ZMYND8: variants seen among roughly 807,000 people sequenced by gnomAD.
ZMYND8 encodes MYND-type zinc finger-containing chromatin reader ZMYND8.
ZMYND8 carries 37 observed loss-of-function variants against 140.8 expected under a neutral mutation model. The ratio of observed to expected loss-of-function variants is 0.26; its 90% CI spans 0.20 to 0.35. The LOEUF is 0.35. ZMYND8 is among the 10% of genes least tolerant of loss of function. ZMYND8 has a pLI of 1.00. For synonymous variants in ZMYND8, 592 were observed against 597.1 expected (o/e 0.99, Z 0.12); for missense variants, 1,068 against 1,570.0 (o/e 0.68, Z 5.40).
intron 3 of ZMYND8, among the ~76,000 whole-genome samples, chr20:47,305,712 T>G (rs2078430142): frequency 6.6e-6 from 1 of 152,188 alleles, no homozygotes; most frequent in South Asian, 2.1e-4. Context: ...ATCATTTCTT[T>G]GCTATATTTG....
chr20:47,300,935 T>TGTGTGTGTG (rs2077993177), intron 3 of ZMYND8, among the ~76,000 whole-genome samples: 1 of 141,148 alleles, frequency 7.1e-6, no homozygotes, highest in African/African-American at 2.6e-5. Flanking sequence ...TGTGTGTGTG[T>TGTGTGTGTG]TTTGTTTTGT....
At chr20:47,236,590 A>C in intron 15 of ZMYND8, 74 bp from the exon 16 acceptor site, 1 of 1,407,034 alleles carries the variant, frequency 7.1e-7, no homozygotes, top group East Asian at 2.6e-5. Context: ...GTGTAGAAGC[A>C]AAGCCCCTAA....
At chr20:47,318,768 G>C (rs908217848) in intron 2 of ZMYND8, 2 of 485,138 alleles carry the variant, frequency 4.1e-6, no homozygotes, top group African/African-American at 2.0e-5. Flanking sequence ...TGCTTATAAA[G>C]AATCTCTGCA....
intron 17 of ZMYND8, 48 bp downstream of exon 17, chr20:47,229,678 C>A (rs368217103): frequency 5.2e-5 from 82 of 1,576,468 alleles, no homozygotes; most frequent in Non-Finnish European, 6.5e-5. Context: ...TTTAAAGCAG[C>A]CCACAAAACA....
chr20:47,295,504 G>A (rs531123388), intron 4 of ZMYND8, among the ~76,000 whole-genome samples: 10 of 152,234 alleles, frequency 6.6e-5, no homozygotes, highest in Middle Eastern at 3.4e-3. Flanking sequence ...TAAGGTTCTG[G>A]GCTGTCATTC....
At chr20:47,235,443 A>G (rs1601093136) in intron 16 of ZMYND8, among the ~76,000 whole-genome samples, 1 of 152,150 alleles carries the variant, frequency 6.6e-6, no homozygotes, top group Non-Finnish European at 1.5e-5. Flanking sequence ...GGTGGCTCAC[A>G]CCTGTAATCC....
At chr20:47,284,599 C>T (rs2076812102) in intron 8 of ZMYND8, among the ~76,000 whole-genome samples, 2 of 152,166 alleles carry the variant, frequency 1.3e-5, no homozygotes, top group Admixed American at 1.3e-4. Flanking sequence ...CGCTCCCCAA[C>T]CCCTTCCAGC....
At chr20:47,279,542 T>C (rs1488039523) in intron 10 of ZMYND8, among the ~76,000 whole-genome samples, 2 of 151,750 alleles carry the variant, frequency 1.3e-5, no homozygotes, top group African/African-American at 4.8e-5. Flanking sequence ...CAAGCGAAAT[T>C]AGATTTGCTT....
At chr20:47,260,262 T>C (rs1601376834) in intron 12 of ZMYND8, among the ~76,000 whole-genome samples, 1 of 152,142 alleles carries the variant, frequency 6.6e-6, no homozygotes, top group African/African-American at 2.4e-5. Flanking sequence ...CAGATGAGAA[T>C]GGTTGACTGA....
chr20:47,271,879 C>T (rs1351696941), intron 11 of ZMYND8, among the ~76,000 whole-genome samples: 2 of 151,964 alleles, frequency 1.3e-5, no homozygotes, highest in Non-Finnish European at 2.9e-5. Context: ...GACGGGGTTT[C>T]GCCATGTTGG....
At chr20:47,226,537 T>G (rs1194356535) in intron 18 of ZMYND8, among the ~76,000 whole-genome samples, 2 of 152,172 alleles carry the variant, frequency 1.3e-5, no homozygotes, top group Non-Finnish European at 2.9e-5. Flanking sequence ...TAGCATTCCA[T>G]GATGAACAGG....
intron 21 of ZMYND8, 147 bp downstream of exon 21, chr20:47,220,111 C>G (rs2036724411): frequency 3.0e-6 from 2 of 671,966 alleles, no homozygotes; most frequent in East Asian, 5.6e-5. Flanking sequence ...CCCCTCACCC[C>G]CACTGACCCA....
chr20:47,322,631 G>C lies in ZMYND8; in HGVS notation c.86-12427C>G, dbSNP rs973431724. ...TCACTATGTTGGCCAGGATGGTCTC[G>C]ATCTCCTGACCTCGTGATCCACCTG... On this transcript the variant is annotated intron_variant, in intron 2 of 22. Transcript: ENST00000471951. Among the ~76,000 whole-genome samples the C allele has an allele frequency of 2.6e-5, 4 of 151,536 alleles. No homozygotes were observed. In the East Asian group the frequency reaches 5.9e-4, roughly 22 times the overall value.
At position 47,221,615 on chromosome 20, in the gene ZMYND8, C is replaced by T. The variant is rs190872318; in HGVS notation, c.3257-141G>A. The T allele has an allele frequency of 1.6e-3, 1,711 of 1,038,326 alleles. 7 individuals carry two copies. Among genetic ancestry groups the T allele is most frequent in the Middle Eastern group, 7.0e-3 (22 of 3,152 alleles). The allele number at this position is 1,038,326 out of a possible 1,614,324, so 64.3% of individuals were successfully genotyped here. On this transcript the variant is annotated intron_variant, in intron 19 of 22. Coordinates refer to ENST00000471951, the MANE Select transcript of ZMYND8 (RefSeq NM_001281775.3). ...CATAAAAGTGGAGGCTCAAGGGGGCCAGATTGCCAGAGTTTTCCAGAAGCT... is the reference window on the plus strand; with the variant it reads ...CATAAAAGTGGAGGCTCAAGGGGGCTAGATTGCCAGAGTTTTCCAGAAGCT...
intron 2 of ZMYND8, among the ~76,000 whole-genome samples, chr20:47,321,861 T>C (rs1470829588): frequency 7.1e-6 from 1 of 141,234 alleles, no homozygotes; most frequent in South Asian, 2.2e-4. Flanking sequence ...CCGCCCTTTT[T>C]TTTTTTTTTT....
At chr20:47,310,245 G>A (rs116333520) in intron 2 of ZMYND8, 41 bp from the exon 3 acceptor site, 13 of 1,557,494 alleles carry the variant, frequency 8.3e-6, no homozygotes, top group Admixed American at 2.0e-5. Flanking sequence ...AGCAGTCAGG[G>A]AGGCCTGGGC....
At chr20:47,258,625 T>C (rs1331371173) in intron 12 of ZMYND8, among the ~76,000 whole-genome samples, 1 of 152,208 alleles carries the variant, frequency 6.6e-6, no homozygotes, top group Non-Finnish European at 1.5e-5. Flanking sequence ...TTCTGATATA[T>C]TTTTTAAGGA....
intron 13 of ZMYND8, among the ~76,000 whole-genome samples, chr20:47,247,249 G>A (rs992977127): frequency 6.6e-6 from 1 of 152,168 alleles, no homozygotes; most frequent in Non-Finnish European, 1.5e-5. Flanking sequence ...AAATCTAGCC[G>A]CTCTGGGTCA....
At chr20:47,292,389 C>T (rs1029631909) in intron 5 of ZMYND8, among the ~76,000 whole-genome samples, 3 of 151,814 alleles carry the variant, frequency 2.0e-5, no homozygotes, top group African/African-American at 4.8e-5. Context: ...TAATTCCTTG[C>T]CACACTCAAC....
Sources: gnomAD v4.1 joint callset for allele counts (sites outside exome capture counted in the v4.1 genomes callset) on GRCh38, gnomAD v4.1.1 for gene constraint, MANE v1.5 for transcripts, NCBI Gene and HGNC (gene_info 2026-07-23, HGNC 2026-07-21) for gene names.